CLU: variants seen among roughly 807,000 people sequenced by gnomAD.
CLU encodes the protein clusterin, also known as aging-associated protein 4.
In CLU, 25 loss-of-function variants were observed where a neutral mutation model predicts 46.4. The observed-to-expected ratio is 0.54, with a 90% CI of 0.39 to 0.75. CLU has a LOEUF of 0.75. Ranked by LOEUF, CLU falls within the 30% of genes least tolerant of loss-of-function variation. The pLI, the probability that CLU is intolerant of heterozygous loss-of-function variation, is 0.00. For missense variants in CLU, 504 were observed against 592.1 expected (o/e 0.85, Z 1.54); for synonymous variants, 235 against 235.1 (o/e 1.00, Z 0.00).
chr8:27,610,488 G>C lies in CLU; in HGVS notation c.84C>G (p.Asp28Glu). The C allele has an allele frequency of 3.1e-6, 5 of 1,613,928 alleles. No homozygotes were observed. The highest frequency in any genetic ancestry group is 4.2e-6 in the Non-Finnish European group (5 of 1,179,826). Residue 28 changes from aspartate to glutamate, a missense_variant, in exon 2 of 9, where the codon GAC (aspartate) becomes GAG (glutamate). Asp to Glu is a conservative substitution (Grantham distance 45, BLOSUM62 2). Transcript: ENST00000316403. The stretch of plus-strand genomic sequence containing the variant: ...TGGTCTACTCACCCTGGAGCTCATT[G>C]TCTGAGACCGTCTGGTCCCCCAGGA... ...GQVLGDQTVS[D>E]NELQEMSNQG...
Position 27,598,478 on chromosome 8 carries a change from T to C in CLU, c.1322A>G (p.Glu441Gly), listed in dbSNP as rs1159853800. 6.2e-7 allele frequency: 1 copy of C among 1,613,928 alleles called. No homozygotes were observed. The highest frequency in any genetic ancestry group is 1.3e-5 in the African/African-American group (1 of 74,872). ...TGCTTACCGGTGCTTTTTGCGGTAT[T>C]CCTGCAGCGCTTTCTCCGCCACGGT... is the stretch of plus-strand genomic sequence containing the variant. ...METVAEKALQ[E>G]YRKKHREE The change falls in exon 8 of 9, where the codon GAA (glutamate) becomes GGA (glycine). Residue 441 changes from glutamate to glycine, a missense_variant. Around this residue, in one of 3 missense-constraint regions of CLU, gnomAD observed 428 missense variants for 484.0 expected, o/e 0.88. Transcript: ENST00000316403.
rs9331886 is a variant in CLU, at chr8:27,611,549, C to T, written c.-29-949G>A. 6.0e-3 allele frequency: 2,735 copies of T among 457,782 alleles called. 73 individuals are homozygous for T. Among genetic ancestry groups the T allele is most frequent in the African/African-American group, 0.05 (2,486 of 50,176 alleles). The allele number at this position is 457,782 out of a possible 1,614,324, so 28.4% of individuals were successfully genotyped here. ...TTGCATAAAACAGAAACCCCTCCCC[C>T]TGCACTCCACCCCCACCATGCCCCT... On this transcript the variant is annotated intron_variant, in intron 1 of 8. Coordinates refer to ENST00000316403, the MANE Select transcript of CLU (RefSeq NM_001831.4).
At chr8:27,611,910 T>A in intron 1 of CLU, 1 of 373,158 alleles carries the variant, frequency 2.7e-6, no homozygotes, top group Non-Finnish European at 5.3e-6. Context: ...AGAGCCTTTG[T>A]CATGCCAGAG....
chr8:27,610,641 C>T (rs1158508718), intron 1 of CLU, 41 bp from the exon 2 acceptor site: 1 of 1,519,500 alleles, frequency 6.6e-7, no homozygotes, highest in Non-Finnish European at 9.1e-7. Flanking sequence ...AGCTAGACAG[C>T]CTGCTGGCGT....
At position 27,605,123 on chromosome 8, in the gene CLU, G is replaced by A; in HGVS notation, c.630C>T (p.Ser210=). 6.2e-7 allele frequency: 1 copy of A among 1,614,212 alleles called. No homozygotes were observed. Among genetic ancestry groups the A allele is most frequent in the Middle Eastern group, 1.6e-4 (1 of 6,062 alleles). The change falls in exon 5 of 9, where the codon AGC becomes AGT. Residue 210 remains serine (S), a synonymous_variant. Transcript: ENST00000316403. ...PQDTYHYLPF[S]LPHRRPHFFF... ...AGAAGTGAGGCCTCCGGTGGGGCAG[G>A]CTGAAGGGCAGGTAGTGGTAGGTAT...
At chr8:27,614,041 T>A (rs1323599875) in intron 1 of CLU, 1 of 152,168 alleles carries the variant, frequency 6.6e-6, no homozygotes, top group Non-Finnish European at 1.5e-5. Context: ...AATGAGACTG[T>A]GGAATCAGAG....
At chr8:27,602,285 C>T (rs1800735287) in intron 6 of CLU, among the ~76,000 whole-genome samples, 1 of 151,746 alleles carries the variant, frequency 6.6e-6, no homozygotes, top group Non-Finnish European at 1.5e-5. Context: ...CTGAACTGCT[C>T]AGGACAGCCC....
In CLU at chr8:27,605,005, T is replaced by C. The variant is rs1198368036; in HGVS notation, c.748A>G (p.Met250Val). ...FHAMFQPFLEMIHEAQQAMDI... is the reference protein window; with the variant it reads ...FHAMFQPFLEVIHEAQQAMDI... Reference sequence around the variant, plus strand: ...ATGGCCTGCTGAGCCTCGTGTATCATCTCAAGGAAGGGCTGGAACATGGCG... The same window carrying C: ...ATGGCCTGCTGAGCCTCGTGTATCACCTCAAGGAAGGGCTGGAACATGGCG... Residue 250 changes from methionine to valine, a missense_variant, in exon 5 of 9, where the codon ATG becomes GTG. Met to Val is a conservative substitution (Grantham distance 21). Transcript: ENST00000316403. 5.0e-6 allele frequency: 8 copies of C among 1,613,792 alleles called. No individual in the cohort carries two copies. Among genetic ancestry groups the C allele is most frequent in the Non-Finnish European group, 5.1e-6 (6 of 1,180,000 alleles).
chr8:27,610,896 C>G, intron 1 of CLU: 1 of 407,516 alleles, frequency 2.5e-6, no homozygotes, highest in East Asian at 5.6e-5. Context: ...AAGCCACATC[C>G]TCCCCGACAA....
At chr8:27,598,996 C>T (rs1800668341) in intron 7 of CLU, 1 of 170,374 alleles carries the variant, frequency 5.9e-6, no homozygotes, top group Non-Finnish European at 1.3e-5. Flanking sequence ...AGAAGAGTTC[C>T]CAGTACTAGA....
At chr8:27,610,625 G>T in intron 1 of CLU, 25 bp from the exon 2 acceptor site, 1 of 1,571,592 alleles carries the variant, frequency 6.4e-7, no homozygotes. Context: ...AGACCATCAT[G>T]GGAACAGCTA....
Position 27,601,951 on chromosome 8 carries a change from C to T in CLU, c.935-1942G>A, listed in dbSNP as rs185512987. Among the ~76,000 whole-genome samples, 298 of 152,188 alleles carry T rather than the reference C, an allele frequency of 2.0e-3. 6 individuals carry two copies. The highest frequency in any genetic ancestry group is 3.8e-4 in the Non-Finnish European group (26 of 67,996). ...ACTAAAAATATAAAAATTAGCCAGG[C>T]GTGGCGGTGCACGCCTGTAATCCCA... On this transcript the variant is annotated intron_variant, in intron 6 of 8. Coordinates refer to ENST00000316403, the MANE Select transcript of CLU (RefSeq NM_001831.4).
At position 27,605,280 on chromosome 8, in the gene CLU, C is replaced by A. The variant is rs772557487; in HGVS notation, c.473G>T (p.Arg158Leu). ...GTCGTTCTCCAGCAGGGAGTCGATG[C>A]GGTCACCATTCATCCAGAAGTAGAA... Reference protein sequence around the residue: ...SPFYFWMNGDRIDSLLENDRQ... With the variant: ...SPFYFWMNGDLIDSLLENDRQ... The change falls in exon 5 of 9, where the codon CGC (arginine) becomes CTC (leucine). Residue 158 changes from arginine to leucine, a missense_variant. Arg to Leu is a moderately radical substitution (Grantham distance 102, BLOSUM62 -2). Transcript: ENST00000316403. The A allele has an allele frequency of 1.9e-6, 3 of 1,614,174 alleles. No homozygotes were observed. The highest frequency in any genetic ancestry group is 2.5e-6 in the Non-Finnish European group (3 of 1,180,028).
At chr8:27,609,122 A>C in intron 2 of CLU, 36 bp from the exon 3 acceptor site, 1 of 1,610,900 alleles carries the variant, frequency 6.2e-7, no homozygotes, top group Non-Finnish European at 8.5e-7. Flanking sequence ...ATGAGGCGAG[A>C]GGAAGAGGTG....
chr8:27,597,700 G>A lies in CLU; in HGVS notation c.*541C>T, dbSNP rs1256023591. 2.2e-6 allele frequency: 1 copy of A among 454,048 alleles called. No individual in the cohort carries two copies. The highest frequency in any genetic ancestry group is 6.9e-5 in the East Asian group (1 of 14,398). The allele number at this position is 454,048 out of a possible 1,614,324, so 28.1% of individuals were successfully genotyped here. A position where few individuals can be genotyped will look rare whatever the true frequency, so the allele number is the denominator to read the frequency against. ...TGTCGCACCTTGGTCAGAATACATC[G>A]ACAGTTTTATAATAGAACAGAAAAG... On this transcript the variant is annotated 3_prime_UTR_variant, in exon 9 of 9. Coordinates refer to ENST00000316403, the MANE Select transcript of CLU (RefSeq NM_001831.4).
chr8:27,608,273 A>G (rs922502081), intron 3 of CLU, among the ~76,000 whole-genome samples: 7 of 152,256 alleles, frequency 4.6e-5, no homozygotes, highest in African/African-American at 1.7e-4. Context: ...TTACGGCAGA[A>G]CTTCTCAGAG....
In CLU at chr8:27,614,407, A is replaced by AC. The variant is rs200099845; in HGVS notation, c.-30+247dup. ...GATGATCATTATATCTGTTCTATTT[A>AC]CCCCCCCACCACAGAATTGTGGTTG... On this transcript the variant is annotated intron_variant, in intron 1 of 8. Coordinates refer to ENST00000316403, the MANE Select transcript of CLU (RefSeq NM_001831.4). 1,609 of 288,502 alleles carry AC rather than the reference A, an allele frequency of 5.6e-3. 16 individuals carry two copies. Among genetic ancestry groups the AC allele is most frequent in the African/African-American group, 0.027 (1,172 of 43,042 alleles). The allele number at this position is 288,502 out of a possible 1,614,324, so 17.9% of individuals were successfully genotyped here.
chr8:27,603,074 C>T (rs773057320), intron 6 of CLU, among the ~76,000 whole-genome samples: 4 of 152,152 alleles, frequency 2.6e-5, no homozygotes, highest in Admixed American at 6.5e-5. Context: ...GCTGGCTGCA[C>T]TCTCAACTGT....
In CLU at chr8:27,610,511, G is replaced by C. The variant is rs754279494; in HGVS notation, c.61C>G (p.Leu21Val). Residue 21 changes from leucine to valine, a missense_variant, in exon 2 of 9, where the codon CTG (leucine) becomes GTG (valine). Leu to Val is a conservative substitution (Grantham distance 32). Around this residue, in one of 3 missense-constraint regions of CLU, gnomAD observed 73 missense variants for 91.2 expected, o/e 0.80. Transcript: ENST00000316403. ...TTGTCTGAGACCGTCTGGTCCCCCA[G>C]GACCTGCCCACTCTCCCAGGTCAGC... ...LLLTWESGQVLGDQTVSDNEL... is the reference protein window; with the variant it reads ...LLLTWESGQVVGDQTVSDNEL... The C allele has an allele frequency of 6.8e-6, 11 of 1,614,216 alleles. No homozygotes were observed. The highest frequency in any genetic ancestry group is 8.5e-6 in the Non-Finnish European group (10 of 1,180,010).
Sources: gnomAD v4.1 joint callset for allele counts (sites outside exome capture counted in the v4.1 genomes callset) on GRCh38, gnomAD v4.1.1 for gene constraint, gnomAD v4.1.1 regional missense constraint, MANE v1.5 for transcripts, NCBI Gene and HGNC (gene_info 2026-07-23, HGNC 2026-07-21) for gene names.